The following CSMD2 variants were observed in gnomAD, a reference collection of about 807,000 sequenced individuals.
The protein encoded by CSMD2 is CUB and Sushi multiple domains 2.
In CSMD2, 130 loss-of-function variants were observed where a neutral mutation model predicts 398.5. The observed-to-expected ratio is 0.33, with a 90% CI of 0.28 to 0.38. The LOEUF is 0.38. Ranked by LOEUF, CSMD2 falls within the 10% of genes least tolerant of loss-of-function variation. The probability of loss-of-function intolerance (pLI) is 1.00; values close to 1 mark genes in which losing one functional copy is unlikely to be tolerated. For synonymous variants in CSMD2, 1,828 were observed against 1,908.5 expected (o/e 0.96, Z 1.10); for missense variants, 3,829 against 4,764.9 (o/e 0.80, Z 5.78).
At chr1:33,975,210 C>T (rs1172628607) in intron 3 of CSMD2, among the ~76,000 whole-genome samples, 1 of 152,168 alleles carries the variant, frequency 6.6e-6, no homozygotes, top group Non-Finnish European at 1.5e-5. Flanking sequence ...ATCCAGCCTA[C>T]ACTCAGACCT....
intron 13 of CSMD2, chr1:33,772,279 G>A (rs1461698500): frequency 3.6e-6 from 1 of 275,602 alleles, no homozygotes; most frequent in Non-Finnish European, 6.8e-6. Flanking sequence ...AGCCTGGTGG[G>A]CTTTGTCCCA....
intron 5 of CSMD2, among the ~76,000 whole-genome samples, chr1:33,858,033 T>C (rs1639224609): frequency 6.6e-6 from 1 of 152,204 alleles, no homozygotes; most frequent in South Asian, 2.1e-4. Context: ...GCTGATCCCA[T>C]TCTGTGTCTA....
At position 33,611,191 on chromosome 1, in the gene CSMD2, G is replaced by A. The variant is rs199995969; in HGVS notation, c.6193C>T (p.Arg2065Trp). Reference protein sequence around the residue: ...TEPNHDYIEIRNGPYETSRMM... With the variant: ...TEPNHDYIEIWNGPYETSRMM... ...CGGCTGGTCTCATAGGGGCCATTCC[G>A]GATTTCTATGTAGTCGTGGTTGGGC... Residue 2065 changes from arginine (R) to tryptophan (W), a missense_variant, in exon 41 of 71, where the codon CGG becomes TGG. This residue lies in a region of CSMD2 where 2,001 missense variants were observed against 2,567.1 expected (regional missense o/e 0.78). Coordinates refer to ENST00000373381, the MANE Select transcript of CSMD2 (RefSeq NM_001281956.2). 2.0e-5 allele frequency: 32 copies of A among 1,613,952 alleles called. No homozygotes were observed. The highest frequency in any genetic ancestry group is 4.5e-5 in the East Asian group (2 of 44,886).
chr1:33,721,263 T>C (rs1646350512), intron 19 of CSMD2, among the ~76,000 whole-genome samples: 1 of 152,182 alleles, frequency 6.6e-6, no homozygotes, highest in Admixed American at 6.5e-5. Flanking sequence ...TATACTGAGA[T>C]CTTGGTTTAG....
chr1:33,912,486 G>A (rs2125268069), intron 5 of CSMD2, among the ~76,000 whole-genome samples: 1 of 151,986 alleles, frequency 6.6e-6, no homozygotes, highest in Non-Finnish European at 1.5e-5. Flanking sequence ...TCTGAGTGCA[G>A]GTCAGACTCT....
intron 5 of CSMD2, among the ~76,000 whole-genome samples, chr1:33,902,819 G>A (rs1386674503): frequency 6.6e-6 from 1 of 152,182 alleles, no homozygotes; most frequent in Admixed American, 6.5e-5. Flanking sequence ...AGAGTGGGAA[G>A]CCTGTTCATC....
Position 33,617,495 on chromosome 1 carries a change from G to A in CSMD2, c.5946+4C>T. On this transcript the variant is annotated splice_donor_region_variant and intron_variant, in intron 38 of 70. Coordinates refer to ENST00000373381, the MANE Select transcript of CSMD2 (RefSeq NM_001281956.2). ...TTCCTGCTCTAGGGTGTCAGGGGAG[G>A]TACCTGGAGGGCATATCCCGGCTCA... is the stretch of plus-strand genomic sequence containing the variant. The A allele has an allele frequency of 6.2e-7, 1 of 1,607,544 alleles. No individual in the cohort carries two copies. Among genetic ancestry groups the A allele is most frequent in the Non-Finnish European group, 8.5e-7 (1 of 1,174,086 alleles).
chr1:34,069,982 C>T (rs1165206346), intron 2 of CSMD2, among the ~76,000 whole-genome samples: 1 of 152,210 alleles, frequency 6.6e-6, no homozygotes, highest in African/African-American at 2.4e-5. Flanking sequence ...CTCCACCTCC[C>T]CCTTCATAAT....
In CSMD2 at chr1:33,825,704, C is replaced by T. The variant is rs553564231; in HGVS notation, c.1104G>A (p.Thr368=). 5.0e-5 allele frequency: 80 copies of T among 1,610,786 alleles called. 1 individual carries two copies. Among genetic ancestry groups the T allele is most frequent in the South Asian group, 2.7e-4 (24 of 90,334 alleles). The change falls in exon 7 of 71, where the codon ACG becomes ACA. Residue 368 remains threonine (T), a synonymous_variant. Coordinates refer to ENST00000373381, the MANE Select transcript of CSMD2 (RefSeq NM_001281956.2). ...LMPSKDNSQK[T]SVLTQVGVSQ... Reference sequence around the variant, plus strand: ...TGGCGGGCGGACACTTACACACAGACGTCTTCTGGCTGTTGTCTTTGCTGG... The same window carrying T: ...TGGCGGGCGGACACTTACACACAGATGTCTTCTGGCTGTTGTCTTTGCTGG...
intron 19 of CSMD2, among the ~76,000 whole-genome samples, chr1:33,719,253 T>G (rs757798282): frequency 2.8e-4 from 43 of 152,310 alleles, no homozygotes; most frequent in Non-Finnish European, 3.8e-4. Flanking sequence ...ATACGTCCTT[T>G]CCCTCCTACC....
intron 1 of CSMD2, among the ~76,000 whole-genome samples, chr1:34,129,044 G>A (rs141337987): frequency 1.5e-3 from 224 of 149,698 alleles, no homozygotes; most frequent in Non-Finnish European, 2.7e-3. Flanking sequence ...TTGCACACAC[G>A]GTTCTCATGC....
intron 1 of CSMD2, among the ~76,000 whole-genome samples, chr1:34,158,553 A>G (rs923853551): frequency 6.6e-6 from 1 of 152,174 alleles, no homozygotes; most frequent in South Asian, 2.1e-4. Flanking sequence ...CAGCCAGAGG[A>G]GCAAAGAGAA....
chr1:33,827,601 T>C (rs940471309), intron 6 of CSMD2, among the ~76,000 whole-genome samples: 2 of 152,242 alleles, frequency 1.3e-5, no homozygotes, highest in Admixed American at 1.3e-4. Flanking sequence ...ATACCATTTA[T>C]GTAGTTATTT....
At chr1:33,868,610 C>T (rs772599147) in intron 5 of CSMD2, among the ~76,000 whole-genome samples, 7 of 152,098 alleles carry the variant, frequency 4.6e-5, no homozygotes, top group Non-Finnish European at 8.8e-5. Context: ...GTGGCACGTG[C>T]CTGTAATCTC....
intron 2 of CSMD2, among the ~76,000 whole-genome samples, chr1:34,077,455 T>C (rs1392500979): frequency 5.5e-5 from 2 of 36,606 alleles, no homozygotes; most frequent in Admixed American, 5.0e-4. Flanking sequence ...GAACTCCGTC[T>C]CAAAAAAAAA....
intron 12 of CSMD2, among the ~76,000 whole-genome samples, chr1:33,781,476 A>C (rs7544913): frequency 0.072 from 11,014 of 152,266 alleles, 1,340 homozygotes; most frequent in African/African-American, 0.25. Context: ...AACACATCAC[A>C]GGGCCTTAGA....
At chr1:33,689,990 T>A (rs566941285) in intron 25 of CSMD2, among the ~76,000 whole-genome samples, 2 of 152,246 alleles carry the variant, frequency 1.3e-5, no homozygotes, top group Admixed American at 1.3e-4. Context: ...TTCTTCTCCA[T>A]CTCCACTGCC....
intron 68 of CSMD2, among the ~76,000 whole-genome samples, chr1:33,521,238 A>G (rs1199578554): frequency 6.6e-6 from 1 of 152,172 alleles, no homozygotes; most frequent in Non-Finnish European, 1.5e-5. Context: ...AGGTCTGAAC[A>G]GGAAACTTTG....
intron 41 of CSMD2, among the ~76,000 whole-genome samples, chr1:33,607,027 C>T (rs1640662349): frequency 6.6e-6 from 1 of 152,210 alleles, no homozygotes; most frequent in African/African-American, 2.4e-5. Context: ...AGTGGGAACA[C>T]ACTTCCAAAC....
Sources: allele counts gnomAD v4.1 joint callset (sites outside exome capture counted in the v4.1 genomes callset), GRCh38; gene constraint gnomAD v4.1.1; regional missense constraint gnomAD v4.1.1; transcripts MANE v1.5; gene names NCBI Gene and HGNC (gene_info 2026-07-23, HGNC 2026-07-21).